C10orf90: variants seen among roughly 807,000 people sequenced by gnomAD.
C10orf90 encodes chromosome 10 open reading frame 90.
C10orf90 carries 56 observed loss-of-function variants against 62.5 expected under a neutral mutation model. That is an observed-to-expected ratio of 0.90 (90% CI 0.72 to 1.12). The LOEUF (loss-of-function observed/expected upper bound fraction) is 1.12, where lower values mean the gene tolerates loss of function less well. C10orf90 is among the 50% of genes most tolerant of loss of function. The probability of loss-of-function intolerance (pLI) is 0.00; values close to 1 mark genes in which losing one functional copy is unlikely to be tolerated. For synonymous variants in C10orf90, 386 were observed against 340.4 expected, an observed-to-expected ratio of 1.13 and a Z score of -1.47; for missense variants, 970 against 880.4, an observed-to-expected ratio of 1.10 and a Z score of -1.29.
rs1859586877 is a variant in C10orf90, at chr10:126,456,457, C to T, written c.2188+2583G>A. On this transcript the variant is annotated intron_variant, in intron 7 of 9. Transcript: ENST00000488181. This position sits in a 1 kb window ranked among gnomAD's most constrained non-coding sequence, Gnocchi z 4.9. ...ACTCAGTTAACATTCTGAACTGAGC[C>T]TGGTTACCTTTTATTACATACAATT... Among the ~76,000 whole-genome samples the T allele has an allele frequency of 6.6e-6, 1 of 152,164 alleles. No individual in the cohort carries two copies. Among genetic ancestry groups the T allele is most frequent in the African/African-American group, 2.4e-5 (1 of 41,430 alleles).
intron 3 of C10orf90, among the ~76,000 whole-genome samples, chr10:126,510,425 G>A (rs1247458262): frequency 6.6e-6 from 1 of 152,144 alleles, no homozygotes; most frequent in African/African-American, 2.4e-5. Flanking sequence ...GCTGTTTCAG[G>A]GTGACATTCC....
At chr10:126,432,828 C>A (rs993173816) in intron 7 of C10orf90, among the ~76,000 whole-genome samples, 4 of 152,228 alleles carry the variant, frequency 2.6e-5, no homozygotes, top group Non-Finnish European at 5.9e-5. Flanking sequence ...ATGACTCCAA[C>A]ATGCCCTAGA....
chr10:126,579,422 G>T (rs1177668961), intron 2 of C10orf90, among the ~76,000 whole-genome samples: 1 of 151,834 alleles, frequency 6.6e-6, no homozygotes, highest in Non-Finnish European at 1.5e-5. Context: ...TGTATTTTTA[G>T]TAGAGATGGG....
rs1857245895 is a variant in C10orf90, at chr10:126,426,074, G to C, written c.2269C>G (p.Pro757Ala). ...TCTTCTTTTTTCTTTTTAACTTCCG[G>C]CAAGTTATCATAGATTCTGAAACAG... ...MRSKRIYDNL[P>A]EVKKKKEEQR... Residue 757 changes from proline to alanine, a missense_variant, in exon 9 of 10, where the codon CCG (proline) becomes GCG (alanine). Pro to Ala is a conservative substitution (Grantham distance 27). Transcript: ENST00000488181. 6.2e-7 allele frequency: 1 copy of C among 1,613,834 alleles called. No individual in the cohort carries two copies. Among genetic ancestry groups the C allele is most frequent in the East Asian group, 2.2e-5 (1 of 44,872 alleles).
intron 2 of C10orf90, among the ~76,000 whole-genome samples, chr10:126,608,407 T>G (rs550847299): frequency 3.3e-5 from 5 of 152,210 alleles, no homozygotes; most frequent in African/African-American, 1.2e-4. Context: ...CCACCATGCC[T>G]AGCCTGAATG....
chr10:126,490,653 T>C (rs1176374585), intron 4 of C10orf90, among the ~76,000 whole-genome samples: 2 of 152,040 alleles, frequency 1.3e-5, no homozygotes, highest in Admixed American at 6.6e-5. Flanking sequence ...TTTATCAAAA[T>C]TTAAAAAAAG....
rs1276530123 is a variant in C10orf90, at chr10:126,585,474, GA to G, written c.313+61090del. 1.5e-4 allele frequency among the ~76,000 whole-genome samples: 8 copies of G among 54,898 alleles called. No homozygotes were observed. In the East Asian group the frequency reaches 2.5e-3, roughly 17 times the overall value. 36.0% of individuals were successfully genotyped at this position (54,898 alleles called of 152,430 possible). A position where few individuals can be genotyped will look rare whatever the true frequency, so the allele number is the denominator to read the frequency against. ...GAGGGAAGAAGGAAGGAAAGGAAGAGAGGGGGAAGGAGAAAAGGAGGAAAAG... is the reference window on the plus strand; with the variant it reads ...GAGGGAAGAAGGAAGGAAAGGAAGAGGGGGGAAGGAGAAAAGGAGGAAAAG... On this transcript the variant is annotated intron_variant, in intron 2 of 9. Transcript: ENST00000488181.
At chr10:126,521,851 C>A (rs1863759421) in intron 2 of C10orf90, among the ~76,000 whole-genome samples, 1 of 152,100 alleles carries the variant, frequency 6.6e-6, no homozygotes, top group African/African-American at 2.4e-5. Flanking sequence ...ATAATTTATA[C>A]CCAACCAAAT....
intron 2 of C10orf90, among the ~76,000 whole-genome samples, chr10:126,598,546 A>G (rs1324518661): frequency 1.3e-5 from 2 of 152,170 alleles, no homozygotes; most frequent in African/African-American, 4.8e-5. Flanking sequence ...CCATAACACC[A>G]ATACAGCTTC....
At chr10:126,575,030 A>G (rs1359506442) in intron 2 of C10orf90, among the ~76,000 whole-genome samples, 1 of 152,154 alleles carries the variant, frequency 6.6e-6, no homozygotes, top group African/African-American at 2.4e-5. Context: ...AAAAAGAAAT[A>G]AAAAACAGAA....
At chr10:126,484,278 C>CAAAATAAAAGTTAGAATAAT (rs1268575771) in intron 4 of C10orf90, among the ~76,000 whole-genome samples, 1 of 152,018 alleles carries the variant, frequency 6.6e-6, no homozygotes, top group African/African-American at 2.4e-5. Context: ...TCTCTAAAAA[C>CAAAATAAAAGTTAGAATAAT]AAAATAAAAG....
chr10:126,433,302 C>T (rs1220885313), intron 7 of C10orf90, among the ~76,000 whole-genome samples: 1 of 152,084 alleles, frequency 6.6e-6, no homozygotes, highest in Non-Finnish European at 1.5e-5. Context: ...TAAATAAGGC[C>T]TTTAGATGCC....
intron 2 of C10orf90, among the ~76,000 whole-genome samples, chr10:126,578,383 T>C (rs1200363566): frequency 6.6e-6 from 1 of 152,162 alleles, no homozygotes; most frequent in African/African-American, 2.4e-5. Flanking sequence ...AGGGAAATGT[T>C]CTCAACCACA....
chr10:126,551,881 G>T (rs1423834788), intron 2 of C10orf90, among the ~76,000 whole-genome samples: 1 of 152,200 alleles, frequency 6.6e-6, no homozygotes, highest in Non-Finnish European at 1.5e-5. Context: ...AAAAAGCATA[G>T]CCTACAACTG....
chr10:126,524,550 TG>T, intron 2 of C10orf90: 1 of 845,252 alleles, frequency 1.2e-6, no homozygotes, highest in Non-Finnish European at 1.4e-6. Context: ...GAAGGTGCAC[TG>T]GGAGAAGCTG....
At chr10:126,465,686 TACA>T (rs776357614) in intron 4 of C10orf90, among the ~76,000 whole-genome samples, 2 of 152,212 alleles carry the variant, frequency 1.3e-5, no homozygotes, top group Non-Finnish European at 2.9e-5. Flanking sequence ...TAAAGACGTG[TACA>T]ACATGTCACT....
intron 2 of C10orf90, among the ~76,000 whole-genome samples, chr10:126,540,567 A>G (rs1864350281): frequency 2.0e-5 from 3 of 151,990 alleles, no homozygotes; most frequent in Admixed American, 2.0e-4. Flanking sequence ...GCTAAGGTAG[A>G]AGAATCACTT....
intron 4 of C10orf90, among the ~76,000 whole-genome samples, chr10:126,475,795 T>A (rs1249820742): frequency 6.6e-6 from 1 of 152,178 alleles, no homozygotes; most frequent in African/African-American, 2.4e-5. Context: ...ATGTGAAATA[T>A]ATATGACCAA....
chr10:126,496,588 C>T (rs1202223295), intron 4 of C10orf90: 23 of 875,376 alleles, frequency 2.6e-5, no homozygotes, highest in Non-Finnish European at 3.2e-5. Flanking sequence ...AGACATTTCC[C>T]CCGCCACCCT....
Sources: allele counts gnomAD v4.1 joint callset (sites outside exome capture counted in the v4.1 genomes callset), GRCh38; gene constraint gnomAD v4.1.1; non-coding constraint Gnocchi (gnomAD v3.1); transcripts MANE v1.5; gene names NCBI Gene and HGNC (gene_info 2026-07-23, HGNC 2026-07-21).